Variants in USP49 observed in about 807,000 individuals in gnomAD.
USP49 encodes the protein ubiquitin carboxyl-terminal hydrolase 49.
Under a neutral mutation model 58.6 loss-of-function variants are expected in USP49, and 24 were observed. That is an observed-to-expected ratio of 0.41 (90% CI 0.30 to 0.58). The LOEUF (loss-of-function observed/expected upper bound fraction) is 0.58, where lower values mean the gene tolerates loss of function less well. USP49 is among the 20% of genes least tolerant of loss of function. The pLI is 0.30. For missense variants in USP49, 703 were observed against 866.1 expected, an observed-to-expected ratio of 0.81 and a Z score of 2.36; for synonymous variants, 408 against 365.1, an observed-to-expected ratio of 1.12 and a Z score of -1.34.
chr6:41,796,486 T>A lies in USP49; in HGVS notation c.*47A>T. 1 of 706,758 alleles carries A rather than the reference T, an allele frequency of 1.4e-6. No homozygotes were observed. The highest frequency in any genetic ancestry group is 2.6e-6 in the Non-Finnish European group (1 of 379,560). The allele number at this position is 706,758 out of a possible 1,614,324, so 43.8% of individuals were successfully genotyped here. Reference sequence around the variant, plus strand: ...CTTATTTCCTATAAGAGGAAAGATGTATGGACACCAATACACAAAAGCCAG... The same window carrying A: ...CTTATTTCCTATAAGAGGAAAGATGAATGGACACCAATACACAAAAGCCAG... On this transcript the variant is annotated 3_prime_UTR_variant, in exon 8 of 8. Coordinates refer to ENST00000682992, the MANE Select transcript of USP49 (RefSeq NM_001286554.2).
chr6:41,831,894 A>T (rs757046680), intron 3 of USP49, among the ~76,000 whole-genome samples: 4 of 152,176 alleles, frequency 2.6e-5, no homozygotes, highest in Non-Finnish European at 5.9e-5. Context: ...CTATTTCTTC[A>T]GACGTCCCAA....
chr6:41,804,994 C>T (rs1773084899), intron 4 of USP49, among the ~76,000 whole-genome samples: 1 of 152,194 alleles, frequency 6.6e-6, no homozygotes, highest in African/African-American at 2.4e-5. Context: ...GTGATCCACC[C>T]ACCTTGGCCT....
At chr6:41,829,539 C>T (rs1289737192) in intron 3 of USP49, among the ~76,000 whole-genome samples, 1 of 152,166 alleles carries the variant, frequency 6.6e-6, no homozygotes, top group Non-Finnish European at 1.5e-5. Flanking sequence ...TCTTGAACTC[C>T]TGACCTCAGG....
rs1773110525 is a variant in USP49, at chr6:41,805,954, G to A, written c.1030C>T (p.Leu344Phe). 1 of 1,613,744 alleles carries A rather than the reference G, an allele frequency of 6.2e-7. No homozygotes were observed. The highest frequency in any genetic ancestry group is 8.5e-7 in the Non-Finnish European group (1 of 1,180,028). Reference protein sequence around the residue: ...GRASISRSLELIQNKEPSSKH... With the variant: ...GRASISRSLEFIQNKEPSSKH... ...GAACTCGGCTCCTTGTTCTGGATGA[G>A]CTCCAGACTCCGACTAATGGAGGCC... Residue 344 changes from leucine to phenylalanine, a missense_variant, in exon 4 of 8, where the codon CTC (leucine) becomes TTC (phenylalanine). By Grantham distance (22) the Leu-to-Phe change is conservative (BLOSUM62 0). Transcript: ENST00000682992.
chr6:41,844,211 ACT>A (rs1343609346), intron 3 of USP49, among the ~76,000 whole-genome samples: 1 of 152,080 alleles, frequency 6.6e-6, no homozygotes, highest in Non-Finnish European at 1.5e-5. Flanking sequence ...ACAGAGCGAG[ACT>A]CTGTCTCAAA....
At chr6:41,889,590 T>C (rs1280394884) in intron 2 of USP49, among the ~76,000 whole-genome samples, 1 of 152,140 alleles carries the variant, frequency 6.6e-6, no homozygotes, top group Non-Finnish European at 1.5e-5. Flanking sequence ...ACACAGTTTT[T>C]TCTAATGGGA....
chr6:41,844,749 ATTTC>A (rs1773891626), intron 3 of USP49, among the ~76,000 whole-genome samples: 1 of 118,550 alleles, frequency 8.4e-6, no homozygotes, highest in African/African-American at 3.1e-5. Context: ...TTTTTGACCT[ATTTC>A]TTTATGAATT....
chr6:41,805,966 G>A lies in USP49; in HGVS notation c.1018C>T (p.Arg340Trp). 5.0e-6 allele frequency: 8 copies of A among 1,613,868 alleles called. No homozygotes were observed. Among genetic ancestry groups the A allele is most frequent in the Non-Finnish European group, 6.8e-6 (8 of 1,180,030 alleles). ...TTGTTCTGGATGAGCTCCAGACTCC[G>A]ACTAATGGAGGCCCTGCCGTTCCAG... The part of the protein sequence containing the change: ...FCWNGRASIS[R>W]SLELIQNKEP... The change falls in exon 4 of 8, where the codon CGG (arginine) becomes TGG (tryptophan). Residue 340 changes from arginine (R) to tryptophan (W), a missense_variant. By Grantham distance (101) the Arg-to-Trp change is moderately radical. Coordinates refer to ENST00000682992, the MANE Select transcript of USP49 (RefSeq NM_001286554.2).
At position 41,805,900 on chromosome 6, in the gene USP49, G is replaced by C; in HGVS notation, c.1084C>G (p.His362Asp). 2 of 1,614,006 alleles carry C rather than the reference G, an allele frequency of 1.2e-6. No individual in the cohort carries two copies. The highest frequency in any genetic ancestry group is 1.7e-6 in the Non-Finnish European group (2 of 1,180,036). The change falls in exon 4 of 8, where the codon CAC becomes GAC. Residue 362 changes from histidine (H) to aspartate (D), a missense_variant. By Grantham distance (81) the His-to-Asp change is moderately conservative. Transcript: ENST00000682992. ...SKHISLCREL[H>D]TLFRVMWSGK... ...GACCACATGACTCGGAAGAGGGTGT[G>C]CAGTTCACGGCAGAGGGAAATGTGC... is the stretch of plus-strand genomic sequence containing the variant.
intron 3 of USP49, among the ~76,000 whole-genome samples, chr6:41,838,042 G>T (rs570423992): frequency 3.3e-5 from 5 of 152,246 alleles, no homozygotes; most frequent in Admixed American, 2.0e-4. Context: ...AAAGCAGTTT[G>T]GTGATTTCTC....
chr6:41,826,073 G>A (rs1773532818), intron 3 of USP49, among the ~76,000 whole-genome samples: 1 of 152,116 alleles, frequency 6.6e-6, no homozygotes, highest in Non-Finnish European at 1.5e-5. Context: ...AGACCAGCCT[G>A]GGCAAAATGG....
At chr6:41,888,048 C>CTTTTTTTTTTTTTTT (rs35468035) in intron 2 of USP49, among the ~76,000 whole-genome samples, 8 of 85,510 alleles carry the variant, frequency 9.4e-5, no homozygotes, top group South Asian at 5.0e-4. Flanking sequence ...TCACAATCAG[C>CTTTTTTTTTTTTTTT]TTTTTTTTTT....
chr6:41,876,713 T>C (rs1010010040), intron 2 of USP49, among the ~76,000 whole-genome samples: 4 of 152,244 alleles, frequency 2.6e-5, no homozygotes, highest in East Asian at 3.9e-4. Context: ...CAACCTGCCG[T>C]AATCGAAGTT....
At chr6:41,859,459 C>T (rs1039577012) in intron 3 of USP49, among the ~76,000 whole-genome samples, 12 of 152,240 alleles carry the variant, frequency 7.9e-5, no homozygotes, top group Middle Eastern at 3.4e-3. Context: ...TTAAGCATAC[C>T]TTCTATGTGC....
chr6:41,799,823 A>C lies in USP49; in HGVS notation c.1670+7T>G. 1 of 1,613,224 alleles carries C rather than the reference A, an allele frequency of 6.2e-7. No individual in the cohort carries two copies. ...TCACCCAGCTGGGACTCCCACAGCA[A>C]GCTCACCTGAATCTTTTAAGGTGCA... is the stretch of plus-strand genomic sequence containing the variant. On this transcript the variant is annotated splice_region_variant and intron_variant, in intron 6 of 7. Transcript: ENST00000682992.
At chr6:41,816,554 A>G (rs192619333) in intron 3 of USP49, among the ~76,000 whole-genome samples, 1 of 152,202 alleles carries the variant, frequency 6.6e-6, no homozygotes, top group African/African-American at 2.4e-5. Flanking sequence ...TCTATTTCCT[A>G]AAACTTTAAG....
chr6:41,802,468 A>ATTTTT (rs1178634996), intron 5 of USP49, among the ~76,000 whole-genome samples: 7 of 73,902 alleles, frequency 9.5e-5, no homozygotes, highest in African/African-American at 3.8e-4. Context: ...TTATTTATTT[A>ATTTTT]TTTTTTATTT....
At position 41,806,401 on chromosome 6, in the gene USP49, G is replaced by A; in HGVS notation, c.583C>T (p.Arg195Trp). Residue 195 changes from arginine to tryptophan, a missense_variant, in exon 4 of 8, where the codon CGG (arginine) becomes TGG (tryptophan). Arg to Trp is a moderately radical substitution (Grantham distance 101). Transcript: ENST00000682992. The surrounding 1 kb of genome is among the most constrained non-coding windows in gnomAD (Gnocchi z 5.9). ...ARRRRREVKR[R>W]LLEELASTPP... ...GTGCTGGCCAGCTCCTCCAGCAGCC[G>A]CCGTTTCACCTCGCGCCGCCGCCTC... is the stretch of plus-strand genomic sequence containing the variant. 5 of 1,559,928 alleles carry A rather than the reference G, an allele frequency of 3.2e-6. No homozygotes were observed. Among genetic ancestry groups the A allele is most frequent in the Non-Finnish European group, 3.4e-6 (4 of 1,161,812 alleles).
Position 41,806,842 on chromosome 6 carries a change from G to T in USP49, c.142C>A (p.Arg48Ser), listed in dbSNP as rs762070875. ...TTCAGGGCGTGGTCCTCAATATAGC[G>T]GCCGCAGGCCACGTGGGAGCACTTG... Reference protein sequence around the residue: ...CLKCSHVACGRYIEDHALKHF... With the variant: ...CLKCSHVACGSYIEDHALKHF... Residue 48 changes from arginine to serine, a missense_variant, in exon 4 of 8, where the codon CGC (arginine) becomes AGC (serine). By Grantham distance (110) the Arg-to-Ser change is moderately radical (BLOSUM62 -1). Around this residue, in one of 6 missense-constraint regions of USP49, gnomAD observed 376 missense variants for 373.5 expected, o/e 1.01. Transcript: ENST00000682992. The surrounding 1 kb of genome is among the most constrained non-coding windows in gnomAD (Gnocchi z 5.9). The T allele has an allele frequency of 6.2e-7, 1 of 1,613,978 alleles. No homozygotes were observed. The highest frequency in any genetic ancestry group is 1.3e-5 in the African/African-American group (1 of 74,974).
Sources: gnomAD v4.1 joint callset for allele counts (sites outside exome capture counted in the v4.1 genomes callset) on GRCh38, gnomAD v4.1.1 for gene constraint, gnomAD v4.1.1 regional missense constraint, Gnocchi (gnomAD v3.1) non-coding constraint, MANE v1.5 for transcripts, NCBI Gene and HGNC (gene_info 2026-07-23, HGNC 2026-07-21) for gene names.